DPP10: variants seen among roughly 807,000 people sequenced by gnomAD.
DPP10 encodes inactive dipeptidyl peptidase 10.
DPP10 carries 33 observed loss-of-function variants against 120.9 expected under a neutral mutation model. The observed-to-expected ratio is 0.27, with a 90% CI of 0.21 to 0.37. The LOEUF (loss-of-function observed/expected upper bound fraction) is 0.37, where lower values mean the gene tolerates loss of function less well. Among genes scored for constraint, DPP10 ranks in the 10% least tolerant of loss-of-function variants. The pLI, the probability that DPP10 is intolerant of heterozygous loss-of-function variation, is 1.00. For synonymous variants in DPP10, 337 were observed against 326.1 expected (o/e 1.03, Z -0.36); for missense variants, 816 against 942.8 (o/e 0.87, Z 1.76).
intron 5 of DPP10, among the ~76,000 whole-genome samples, chr2:115,568,218 C>CT (rs910283793): frequency 2.8e-4 from 42 of 150,582 alleles, no homozygotes; most frequent in African/African-American, 9.7e-4. Context: ...GGAGCAGTGG[C>CT]TCTCGCCTGT....
At chr2:115,759,434 AT>A in intron 11 of DPP10, among the ~76,000 whole-genome samples, 1 of 151,832 alleles carries the variant, frequency 6.6e-6, no homozygotes, top group Non-Finnish European at 1.5e-5. Flanking sequence ...TTCATTAGAC[AT>A]TAGCAAAATA....
intron 10 of DPP10, among the ~76,000 whole-genome samples, chr2:115,752,483 C>T (rs530046090): frequency 1.2e-4 from 19 of 152,110 alleles, no homozygotes; most frequent in Non-Finnish European, 2.6e-4. Context: ...AATAGACTCC[C>T]ATCTTCTTTA....
chr2:115,660,132 T>G (rs1575461637), intron 5 of DPP10, among the ~76,000 whole-genome samples: 1 of 152,348 alleles, frequency 6.6e-6, no homozygotes, highest in Non-Finnish European at 1.5e-5. Context: ...TGGCAACTAC[T>G]TAGGATTATT....
At chr2:115,660,655 C>CTTTTGTTTTTT (rs2088852309) in intron 5 of DPP10, among the ~76,000 whole-genome samples, 1 of 25,314 alleles carries the variant, frequency 4.0e-5, no homozygotes, top group Non-Finnish European at 8.7e-5. Flanking sequence ...CTCTGTCTGG[C>CTTTTGTTTTTT]TTTTTTTTTT....
chr2:115,296,674 G>A (rs753890178), intron 1 of DPP10, among the ~76,000 whole-genome samples: 1 of 151,996 alleles, frequency 6.6e-6, no homozygotes, highest in Non-Finnish European at 1.5e-5. Flanking sequence ...TTAGCATCTT[G>A]CACCACAGTG....
chr2:114,659,290 G>A (rs1697211008), intron 1 of DPP10, among the ~76,000 whole-genome samples: 1 of 151,992 alleles, frequency 6.6e-6, no homozygotes, highest in African/African-American at 2.4e-5. Flanking sequence ...ACAGATATGA[G>A]AAGAGGCCGT....
At chr2:114,488,530 G>C (rs1681708865) in intron 1 of DPP10, among the ~76,000 whole-genome samples, 1 of 152,154 alleles carries the variant, frequency 6.6e-6, no homozygotes, top group Non-Finnish European at 1.5e-5. Flanking sequence ...TGTTGAATTA[G>C]GGCAAAAGTA....
At chr2:115,550,874 G>A (rs1003942286) in intron 5 of DPP10, among the ~76,000 whole-genome samples, 1 of 152,084 alleles carries the variant, frequency 6.6e-6, no homozygotes, top group African/African-American at 2.4e-5. Context: ...ACTGAACTCC[G>A]TAGTAGTAAT....
chr2:114,575,857 C>T (rs1474789289), intron 1 of DPP10, among the ~76,000 whole-genome samples: 2 of 152,152 alleles, frequency 1.3e-5, no homozygotes, highest in Non-Finnish European at 2.9e-5. Flanking sequence ...AGCCTGGCCA[C>T]TGGCTGATTA....
intron 1 of DPP10, among the ~76,000 whole-genome samples, chr2:115,277,703 G>A (rs189542150): frequency 4.1e-4 from 62 of 151,810 alleles, no homozygotes; most frequent in East Asian, 1.5e-3. Flanking sequence ...AAAATATTGC[G>A]TAAGTAGAGA....
intron 1 of DPP10, among the ~76,000 whole-genome samples, chr2:114,643,559 TA>T (rs1220141143): frequency 1.3e-5 from 2 of 151,884 alleles, no homozygotes; most frequent in Admixed American, 1.3e-4. Flanking sequence ...AGTCCTCCTT[TA>T]AGGTGAGGGT....
intron 1 of DPP10, among the ~76,000 whole-genome samples, chr2:115,072,829 C>T (rs1222110413): frequency 6.6e-6 from 1 of 152,138 alleles, no homozygotes; most frequent in Non-Finnish European, 1.5e-5. Flanking sequence ...GTCACCCAGG[C>T]TGGAGTGCAG....
chr2:115,067,723 C>T (rs962116817), intron 1 of DPP10, among the ~76,000 whole-genome samples: 4 of 148,542 alleles, frequency 2.7e-5, no homozygotes, highest in South Asian at 2.2e-4. Flanking sequence ...ATTAGCCGGG[C>T]GTGGTGGCGG....
intron 3 of DPP10, among the ~76,000 whole-genome samples, chr2:115,362,724 G>A (rs2064859902): frequency 6.6e-6 from 1 of 152,114 alleles, no homozygotes; most frequent in East Asian, 1.9e-4. Flanking sequence ...AGGTACAGTT[G>A]AAGCTACTGT....
At chr2:115,828,273 T>C (rs1688582733) in intron 21 of DPP10, among the ~76,000 whole-genome samples, 1 of 152,148 alleles carries the variant, frequency 6.6e-6, no homozygotes, top group Admixed American at 6.5e-5. Flanking sequence ...ATACAACGCA[T>C]CTTTTCTCTG....
In DPP10 at chr2:115,014,916, A is replaced by G. The variant is rs189515839; in HGVS notation, c.61-294323A>G. ...GACAGATTCACAGCCAAATTCTACCAGAGGTACAAAGAGGAGCTGGTACCA... is the reference window on the plus strand; with the variant it reads ...GACAGATTCACAGCCAAATTCTACCGGAGGTACAAAGAGGAGCTGGTACCA... On this transcript the variant is annotated intron_variant, in intron 1 of 25. Coordinates refer to ENST00000410059, the MANE Select transcript of DPP10 (RefSeq NM_020868.6). Among the ~76,000 whole-genome samples, 127 of 151,346 alleles carry G rather than the reference A, an allele frequency of 8.4e-4. 1 individual carries two copies. The highest frequency in any genetic ancestry group is 6.9e-3 in the Middle Eastern group (2 of 290).
intron 1 of DPP10, among the ~76,000 whole-genome samples, chr2:114,557,648 G>T (rs919551177): frequency 6.6e-6 from 1 of 152,120 alleles, no homozygotes; most frequent in African/African-American, 2.4e-5. Context: ...GGAGAGTAGT[G>T]TTCAGTCTTC....
intron 1 of DPP10, among the ~76,000 whole-genome samples, chr2:114,742,161 A>T (rs1052000215): frequency 4.6e-5 from 7 of 152,250 alleles, no homozygotes; most frequent in Non-Finnish European, 1.0e-4. Context: ...ACTTTCATGG[A>T]GTCACATTTG....
At chr2:114,546,909 C>G (rs1687451696) in intron 1 of DPP10, among the ~76,000 whole-genome samples, 1 of 152,194 alleles carries the variant, frequency 6.6e-6, no homozygotes, top group Non-Finnish European at 1.5e-5. Flanking sequence ...TGTGATCTGT[C>G]TGTTGGATTT....
Sources: gnomAD v4.1 joint callset for allele counts (sites outside exome capture counted in the v4.1 genomes callset) on GRCh38, gnomAD v4.1.1 for gene constraint, MANE v1.5 for transcripts, NCBI Gene and HGNC (gene_info 2026-07-23, HGNC 2026-07-21) for gene names.